NMNAT2: variants seen among roughly 807,000 people sequenced by gnomAD.
NMNAT2 encodes nicotinamide nucleotide adenylyltransferase 2.
NMNAT2 carries 11 observed loss-of-function variants against 41.6 expected under a neutral mutation model. The observed-to-expected ratio is 0.26, with a 90% CI of 0.17 to 0.44. The LOEUF is 0.44. Among genes scored for constraint, NMNAT2 ranks in the 20% least tolerant of loss-of-function variants. NMNAT2 has a pLI of 1.00. For synonymous variants in NMNAT2, 148 were observed against 151.2 expected (o/e 0.98, Z 0.16); for missense variants, 288 against 407.7 (o/e 0.71, Z 2.53).
intron 1 of NMNAT2, among the ~76,000 whole-genome samples, chr1:183,323,006 G>T (rs181291396): frequency 4.6e-5 from 7 of 152,008 alleles, no homozygotes; most frequent in African/African-American, 1.7e-4. Context: ...ATTTCGGCTC[G>T]CTGCAACCTC....
At chr1:183,403,467 A>G (rs1427990946) in intron 1 of NMNAT2, among the ~76,000 whole-genome samples, 1 of 149,264 alleles carries the variant, frequency 6.7e-6, no homozygotes, top group Non-Finnish European at 1.5e-5. Context: ...AAATGGCACT[A>G]AAACATCTCA....
intron 1 of NMNAT2, among the ~76,000 whole-genome samples, chr1:183,363,481 G>A (rs1663346885): frequency 2.0e-5 from 3 of 152,022 alleles, no homozygotes; most frequent in Admixed American, 2.0e-4. Context: ...GATTCTAGCA[G>A]ACAAAGTGGA....
At chr1:183,302,086 G>C (rs1661868660) in intron 1 of NMNAT2, among the ~76,000 whole-genome samples, 1 of 152,174 alleles carries the variant, frequency 6.6e-6, no homozygotes, top group African/African-American at 2.4e-5. Flanking sequence ...TAGAATTCCT[G>C]CTTAGGAGTT....
At chr1:183,293,678 A>G (rs753570477) in intron 2 of NMNAT2, 27 bp downstream of exon 2, 5 of 1,526,406 alleles carry the variant, frequency 3.3e-6, no homozygotes, top group Non-Finnish European at 1.8e-6. Flanking sequence ...GGGATTGAAG[A>G]GGAGAGGGGC....
intron 8 of NMNAT2, chr1:183,266,503 G>A (rs1300993637): frequency 2.6e-5 from 4 of 153,160 alleles, no homozygotes; most frequent in African/African-American, 9.7e-5. Flanking sequence ...TAAGGTGGTT[G>A]GCAAGAATAG....
At chr1:183,257,319 T>TCAG (rs757319691) in intron 10 of NMNAT2, among the ~76,000 whole-genome samples, 6 of 151,990 alleles carry the variant, frequency 3.9e-5, no homozygotes, top group Non-Finnish European at 8.8e-5. Context: ...CAGGCACCTG[T>TCAG]AATCCCAGCT....
chr1:183,369,997 G>T (rs867286747), intron 1 of NMNAT2, among the ~76,000 whole-genome samples: 3 of 151,958 alleles, frequency 2.0e-5, no homozygotes, highest in Non-Finnish European at 4.4e-5. Flanking sequence ...TCTGGAGCCC[G>T]CTAGGTCATG....
Position 183,332,760 on chromosome 1 carries a change from A to G in NMNAT2, c.86-38967T>C, listed in dbSNP as rs777994775. Among the ~76,000 whole-genome samples the G allele has an allele frequency of 3.3e-5, 5 of 152,224 alleles. No homozygotes were observed. In the South Asian group the frequency reaches 1.0e-3, roughly 32 times the overall value. On this transcript the variant is annotated intron_variant, in intron 1 of 10. Transcript: ENST00000287713. ...TACTCTGGACCAGAGGAAGTGGCAC[A>G]GCTTCCTTGGATCTAGCAATTTCTC...
At chr1:183,258,395 A>G (rs1220126440) in intron 10 of NMNAT2, among the ~76,000 whole-genome samples, 1 of 152,176 alleles carries the variant, frequency 6.6e-6, no homozygotes, top group African/African-American at 2.4e-5. Context: ...ATTATGACTG[A>G]GGCAGTGAAA....
At chr1:183,331,480 AC>A (rs758963711) in intron 1 of NMNAT2, among the ~76,000 whole-genome samples, 8 of 152,342 alleles carry the variant, frequency 5.3e-5, no homozygotes, top group Admixed American at 2.6e-4. Flanking sequence ...TTGGTCTCCA[AC>A]AAGGGGCAGC....
At chr1:183,311,024 C>T (rs1041977185) in intron 1 of NMNAT2, among the ~76,000 whole-genome samples, 3 of 152,158 alleles carry the variant, frequency 2.0e-5, no homozygotes, top group Non-Finnish European at 1.5e-5. Flanking sequence ...CCTAAGGTTC[C>T]CGCTCACCCT....
rs575890183 is a variant in NMNAT2 at position 183,367,387 on chromosome 1, G to A, written c.85+50796C>T. 5.9e-5 allele frequency among the ~76,000 whole-genome samples: 9 copies of A among 152,320 alleles called. 1 individual carries two copies. Among genetic ancestry groups the A allele is most frequent in the African/African-American group, 2.2e-4 (9 of 41,564 alleles). ...GCAGGAGAATCGCTTGAACCCAGGA[G>A]GTGAAGTTTGCAGTGAGCCGAGATC... On this transcript the variant is annotated intron_variant, in intron 1 of 10. Transcript: ENST00000287713.
intron 10 of NMNAT2, among the ~76,000 whole-genome samples, chr1:183,257,412 G>C (rs966435432): frequency 1.3e-5 from 2 of 152,186 alleles, no homozygotes; most frequent in Non-Finnish European, 2.9e-5. Flanking sequence ...TTGCACTCCA[G>C]CCTGGGCGAC....
intron 1 of NMNAT2, among the ~76,000 whole-genome samples, chr1:183,395,825 G>A (rs567006202): frequency 1.3e-5 from 2 of 152,174 alleles, no homozygotes; most frequent in Non-Finnish European, 2.9e-5. Context: ...TAAAAGAAGG[G>A]GGGAATTTCA....
chr1:183,277,344 G>A (rs1026488255), intron 8 of NMNAT2, among the ~76,000 whole-genome samples: 5 of 151,766 alleles, frequency 3.3e-5, no homozygotes, highest in East Asian at 1.9e-4. Context: ...TTAGCTGGGC[G>A]TGGTGGCAGG....
chr1:183,376,898 G>C (rs1370118265), intron 1 of NMNAT2, among the ~76,000 whole-genome samples: 1 of 152,130 alleles, frequency 6.6e-6, no homozygotes, highest in African/African-American at 2.4e-5. Flanking sequence ...ACTCTGCTCA[G>C]TTAACTATCA....
intron 1 of NMNAT2, among the ~76,000 whole-genome samples, chr1:183,408,490 A>T (rs2101930632): frequency 6.6e-6 from 1 of 152,330 alleles, no homozygotes; most frequent in Non-Finnish European, 1.5e-5. Flanking sequence ...AGCTGTCCAC[A>T]TATGGCCTGC....
intron 1 of NMNAT2, among the ~76,000 whole-genome samples, chr1:183,384,832 A>G (rs1039288792): frequency 7.9e-5 from 12 of 152,184 alleles, no homozygotes; most frequent in African/African-American, 2.7e-4. Context: ...CCTAGCAGTC[A>G]CTAGTATAAC....
chr1:183,370,223 T>TGCACAC (rs1428584382), intron 1 of NMNAT2, among the ~76,000 whole-genome samples: 99 of 112,820 alleles, frequency 8.8e-4, no homozygotes, highest in Admixed American at 5.6e-3. Flanking sequence ...TATCAACACA[T>TGCACAC]ACACACACAC....
Sources: gnomAD v4.1 joint callset for allele counts (sites outside exome capture counted in the v4.1 genomes callset) on GRCh38, gnomAD v4.1.1 for gene constraint, MANE v1.5 for transcripts, NCBI Gene and HGNC (gene_info 2026-07-23, HGNC 2026-07-21) for gene names.